Variants in ACAN observed in about 807,000 individuals in gnomAD.
ACAN encodes aggrecan.
ACAN carries 47 observed loss-of-function variants against 169.1 expected under a neutral mutation model. That is an observed-to-expected ratio of 0.28 (90% CI 0.22 to 0.35). The LOEUF is 0.35. Ranked by LOEUF, ACAN falls within the 10% of genes least tolerant of loss-of-function variation. The probability of loss-of-function intolerance (pLI) is 1.00; values close to 1 mark genes in which losing one functional copy is unlikely to be tolerated. For missense variants in ACAN, 2,716 were observed against 2,759.9 expected (o/e 0.98, Z 0.36); for synonymous variants, 1,115 against 1,112.2 (o/e 1.00, Z -0.05).
At position 88,858,705 on chromosome 15, in the gene ACAN, G is replaced by A. The variant is rs1244954235; in HGVS notation, c.6120G>A (p.Glu2040=). 1.2e-6 allele frequency: 2 copies of A among 1,613,950 alleles called. No individual in the cohort carries two copies. The highest frequency in any genetic ancestry group is 1.7e-5 in the Admixed American group (1 of 60,024). The change falls in exon 12 of 19, where the codon GAG becomes GAA. Residue 2040 remains glutamate (E), a synonymous_variant. Transcript: ENST00000560601. This position sits in a 1 kb window ranked among gnomAD's most constrained non-coding sequence, Gnocchi z 4.0. The part of the protein sequence containing the change: ...GLPEVTLITS[E]FVEGVTEPTI... The stretch of plus-strand genomic sequence containing the variant: ...CAGAAGTTACTTTAATCACTTCTGA[G>A]TTCGTGGAGGGTGTTACTGAACCAA...
At chr15:88,837,836 C>A (rs2141560727) in intron 2 of ACAN, among the ~76,000 whole-genome samples, 1 of 151,932 alleles carries the variant, frequency 6.6e-6, no homozygotes, top group Admixed American at 6.5e-5. Flanking sequence ...AACCTGTAGG[C>A]CCCCATGAAA....
chr15:88,873,878 G>C lies in ACAN; in HGVS notation c.7484G>C (p.Arg2495Thr), dbSNP rs764496641. The C allele has an allele frequency of 1.2e-6, 2 of 1,613,838 alleles. No homozygotes were observed. The highest frequency in any genetic ancestry group is 1.7e-6 in the Non-Finnish European group (2 of 1,179,898). Residue 2495 changes from arginine (R) to threonine (T), a missense_variant, in exon 18 of 19, where the codon AGG becomes ACG. Physicochemically the swap from Arg to Thr is moderately conservative, Grantham distance 71. This residue lies in a region of ACAN where 1,389 missense variants were observed against 1,363.7 expected (regional missense o/e 1.02). Coordinates refer to ENST00000560601, the MANE Select transcript of ACAN (RefSeq NM_001369268.1). This position sits in a 1 kb window ranked among gnomAD's most constrained non-coding sequence, Gnocchi z 7.5. ...GAGCCCCCTGTGGTGGAGCATGCCA[G>C]GACCTTCGGGCAGAAGAAGGACCGG... ...CGEPPVVEHA[R>T]TFGQKKDRYE...
chr15:88,859,814 C>T (rs3784758), intron 12 of ACAN, among the ~76,000 whole-genome samples: 49 of 152,312 alleles, frequency 3.2e-4, no homozygotes, highest in East Asian at 9.6e-4. Context: ...AAATTCTGCT[C>T]ATGCACCCTG....
chr15:88,834,244 A>G (rs1274859913), intron 1 of ACAN, among the ~76,000 whole-genome samples: 1 of 152,116 alleles, frequency 6.6e-6, no homozygotes, highest in African/African-American at 2.4e-5. Context: ...TTCACGCCAT[A>G]CCCCCAGCAG....
Position 88,870,356 on chromosome 15 carries a change from C to G in ACAN, c.7061-1026C>G, listed in dbSNP as rs1596155713. On this transcript the variant is annotated intron_variant, in intron 14 of 18. Transcript: ENST00000560601. This position sits in a 1 kb window ranked among gnomAD's most constrained non-coding sequence, Gnocchi z 6.3. ...GTTTGTGACCCTCCACCTGGGAGAT[C>G]CCAGGGGAAGAAGGAAGAAGGGGGG... Among the ~76,000 whole-genome samples the G allele has an allele frequency of 2.0e-5, 3 of 152,188 alleles. No homozygotes were observed. In the South Asian group the frequency reaches 6.2e-4, roughly 32 times the overall value.
chr15:88,811,993 G>C (rs1339137831), intron 1 of ACAN, among the ~76,000 whole-genome samples: 1 of 152,134 alleles, frequency 6.6e-6, no homozygotes, highest in Non-Finnish European at 1.5e-5. Flanking sequence ...GTTGTGACTT[G>C]TCAATATTTT....
At chr15:88,810,075 C>T (rs1380486704) in intron 1 of ACAN, among the ~76,000 whole-genome samples, 2 of 152,144 alleles carry the variant, frequency 1.3e-5, no homozygotes, top group Non-Finnish European at 2.9e-5. Flanking sequence ...GCGTCTTCTT[C>T]ATTATGCAGA....
chr15:88,809,063 G>GATTGAAAGT (rs1240915842), intron 1 of ACAN, among the ~76,000 whole-genome samples: 2 of 152,182 alleles, frequency 1.3e-5, no homozygotes, highest in African/African-American at 4.8e-5. Flanking sequence ...AGTTGTGAAG[G>GATTGAAAGT]TTTGAAAGCA....
chr15:88,845,886 A>C lies in ACAN; in HGVS notation c.1429+4A>C. 1 of 1,449,816 alleles carries C rather than the reference A, an allele frequency of 6.9e-7. No individual in the cohort carries two copies. Among genetic ancestry groups the C allele is most frequent in the Non-Finnish European group, 9.1e-7 (1 of 1,097,858 alleles). The allele number at this position is 1,449,816 out of a possible 1,614,324, so 89.8% of individuals were successfully genotyped here. ...GGGCAGCCGCATTTGCCAGGGGGTA[A>C]GTAGCTGCCCGTGGGTGCATCCAGG... On this transcript the variant is annotated splice_donor_region_variant and intron_variant, in intron 7 of 18. Transcript: ENST00000560601.
intron 11 of ACAN, among the ~76,000 whole-genome samples, chr15:88,854,123 A>G (rs776033450): frequency 1.3e-5 from 2 of 152,190 alleles, no homozygotes; most frequent in Non-Finnish European, 2.9e-5. Flanking sequence ...TGTTTTTCAA[A>G]TTGTCTGTAA....
chr15:88,846,427 A>G (rs779111277), intron 7 of ACAN, among the ~76,000 whole-genome samples: 1 of 152,222 alleles, frequency 6.6e-6, no homozygotes, highest in Non-Finnish European at 1.5e-5. Context: ...ATATTTTGTG[A>G]CACATGAAAA....
chr15:88,867,877 G>C (rs752795315), intron 13 of ACAN, among the ~76,000 whole-genome samples: 1 of 152,222 alleles, frequency 6.6e-6, no homozygotes, highest in Non-Finnish European at 1.5e-5. Context: ...ATTCACAAGA[G>C]AAGGCATCTT....
intron 1 of ACAN, 86 bp from the exon 2 acceptor site, chr15:88,836,114 T>C (rs1896496137): frequency 1.1e-6 from 1 of 926,120 alleles, no homozygotes; most frequent in East Asian, 2.5e-5. Context: ...TGTGGAATTA[T>C]CACTTTGCAT....
In ACAN at chr15:88,843,170, C is replaced by A. The variant is rs1042977924; in HGVS notation, c.758-185C>A. Among the ~76,000 whole-genome samples, 1 of 152,184 alleles carries A rather than the reference C, an allele frequency of 6.6e-6. No individual in the cohort carries two copies. The highest frequency in any genetic ancestry group is 6.5e-5 in the Admixed American group (1 of 15,278). ...TCCCCTTGTTTTAGGAAATTGATGTCATCCTACACAAAAGCCCAGAAATAA... is the reference window on the plus strand; with the variant it reads ...TCCCCTTGTTTTAGGAAATTGATGTAATCCTACACAAAAGCCCAGAAATAA... On this transcript the variant is annotated intron_variant, in intron 5 of 18. Coordinates refer to ENST00000560601, the MANE Select transcript of ACAN (RefSeq NM_001369268.1). The surrounding 1 kb of genome is among the most constrained non-coding windows in gnomAD (Gnocchi z 4.0).
In ACAN at chr15:88,868,708, C is replaced by T. The variant is rs912745235; in HGVS notation, c.7060+379C>T. 1.3e-5 allele frequency among the ~76,000 whole-genome samples: 2 copies of T among 152,180 alleles called. No individual in the cohort carries two copies. Among genetic ancestry groups the T allele is most frequent in the African/African-American group, 2.4e-5 (1 of 41,438 alleles). On this transcript the variant is annotated intron_variant, in intron 14 of 18. Coordinates refer to ENST00000560601, the MANE Select transcript of ACAN (RefSeq NM_001369268.1). The surrounding 1 kb of genome is among the most constrained non-coding windows in gnomAD (Gnocchi z 5.2). ...TCCAGATGACAGCCACGGATCTTCT[C>T]AGTGTGGTCATGGGCATGGGACCTT...
At position 88,849,782 on chromosome 15, in the gene ACAN, C is replaced by T. The variant is rs748592008; in HGVS notation, c.2026+51C>T. The T allele has an allele frequency of 6.3e-7, 1 of 1,591,688 alleles. No homozygotes were observed. Among genetic ancestry groups the T allele is most frequent in the South Asian group, 1.1e-5 (1 of 88,306 alleles). ...CAGCCCCTTTTGTCTGGAGAGGACC[C>T]CACTGGGTTCACCGGATCCTGCCAC... is the stretch of plus-strand genomic sequence containing the variant. On this transcript the variant is annotated intron_variant, in intron 10 of 18. Coordinates refer to ENST00000560601, the MANE Select transcript of ACAN (RefSeq NM_001369268.1). This position sits in a 1 kb window ranked among gnomAD's most constrained non-coding sequence, Gnocchi z 5.1.
intron 1 of ACAN, among the ~76,000 whole-genome samples, chr15:88,821,035 A>G (rs778195028): frequency 1.6e-4 from 24 of 152,210 alleles, no homozygotes; most frequent in Non-Finnish European, 2.8e-4. Flanking sequence ...TTATAAAACT[A>G]TCAGACTTCA....
Position 88,845,605 on chromosome 15 carries a change from G to T in ACAN, c.1152G>T (p.Leu384=). The T allele has an allele frequency of 1.2e-6, 2 of 1,614,040 alleles. No homozygotes were observed. Among genetic ancestry groups the T allele is most frequent in the Non-Finnish European group, 1.7e-6 (2 of 1,179,902 alleles). The change falls in exon 7 of 19, where the codon CTG becomes CTT. Residue 384 remains leucine (L), a synonymous_variant. Coordinates refer to ENST00000560601, the MANE Select transcript of ACAN (RefSeq NM_001369268.1). ...TVTWPDMELP[L]PRNITEGEAR... ...CCTGGCCTGACATGGAGCTGCCACT[G>T]CCTCGAAACATCACTGAGGGTGAAG...
At chr15:88,836,342 T>A in intron 2 of ACAN, 66 bp downstream of exon 2, 1 of 1,373,534 alleles carries the variant, frequency 7.3e-7, no homozygotes, top group South Asian at 1.2e-5. Context: ...GAGTACTGGG[T>A]ACTGAACCTG....
Sources: gnomAD v4.1 joint callset for allele counts (sites outside exome capture counted in the v4.1 genomes callset) on GRCh38, gnomAD v4.1.1 for gene constraint, gnomAD v4.1.1 regional missense constraint, Gnocchi (gnomAD v3.1) non-coding constraint, MANE v1.5 for transcripts, NCBI Gene and HGNC (gene_info 2026-07-23, HGNC 2026-07-21) for gene names.